FRMD4A: variants seen among roughly 807,000 people sequenced by gnomAD.
The protein encoded by FRMD4A is FERM domain containing 4A.
Under a neutral mutation model 129.1 loss-of-function variants are expected in FRMD4A, and 29 were observed. The ratio of observed to expected loss-of-function variants is 0.22; its 90% CI spans 0.17 to 0.31. FRMD4A has a LOEUF of 0.31. FRMD4A is among the 10% of genes least tolerant of loss of function. The pLI, the probability that FRMD4A is intolerant of heterozygous loss-of-function variation, is 1.00. For missense variants in FRMD4A, 1,272 were observed against 1,375.8 expected (o/e 0.92, Z 1.19); for synonymous variants, 634 against 571.6 (o/e 1.11, Z -1.56).
intron 2 of FRMD4A, among the ~76,000 whole-genome samples, chr10:14,251,076 G>A (rs1281054646): frequency 6.6e-6 from 1 of 151,506 alleles, no homozygotes; most frequent in African/African-American, 2.4e-5. Flanking sequence ...CCTAAACTGT[G>A]TAGTAGGCAG....
intron 23 of FRMD4A, 118 bp downstream of exon 23, chr10:13,654,298 C>A (rs1317150734): frequency 7.9e-6 from 6 of 757,794 alleles, no homozygotes; most frequent in Admixed American, 7.6e-5. Flanking sequence ...AAGGAAGACA[C>A]CTCCCAGTGA....
intron 2 of FRMD4A, among the ~76,000 whole-genome samples, chr10:14,242,982 A>G (rs1049536163): frequency 1.3e-5 from 2 of 152,224 alleles, no homozygotes; most frequent in Non-Finnish European, 2.9e-5. Flanking sequence ...AGGTGGAAGT[A>G]AACTTTGTAC....
At chr10:13,765,101 A>ATTTTTTTTTTT (rs10708906) in intron 6 of FRMD4A, among the ~76,000 whole-genome samples, 1 of 125,276 alleles carries the variant, frequency 8.0e-6, no homozygotes. Flanking sequence ...TCAAGGATTG[A>ATTTTTTTTTTT]TTTTTTTTTT....
chr10:13,699,785 G>A (rs945851437), intron 14 of FRMD4A, among the ~76,000 whole-genome samples: 1 of 152,112 alleles, frequency 6.6e-6, no homozygotes, highest in Non-Finnish European at 1.5e-5. Context: ...GCAAAACCCT[G>A]ACACCCACCC....
intron 5 of FRMD4A, among the ~76,000 whole-genome samples, chr10:13,784,939 C>T (rs527722600): frequency 6.9e-6 from 1 of 144,748 alleles, no homozygotes; most frequent in East Asian, 2.0e-4. Flanking sequence ...TGCAGCGAGC[C>T]GAGATGGTGC....
At chr10:13,825,411 G>A (rs1486073139) in intron 3 of FRMD4A, among the ~76,000 whole-genome samples, 1 of 152,152 alleles carries the variant, frequency 6.6e-6, no homozygotes, top group African/African-American at 2.4e-5. Flanking sequence ...GGGCAAGCGA[G>A]CATTACCACC....
rs1588646473 is a variant in FRMD4A at position 13,772,724 on chromosome 10, T to G, written c.385-10044A>C. The stretch of plus-strand genomic sequence containing the variant: ...GGCACAGAAAGACAAAGTTCATATT[T>G]TCTCACTTATTTGTGGGAGCTAAAA... On this transcript the variant is annotated intron_variant, in intron 6 of 24. Transcript: ENST00000357447. 2.0e-5 allele frequency among the ~76,000 whole-genome samples: 3 copies of G among 152,294 alleles called. No homozygotes were observed. The East Asian group carries it at 5.8e-4, about 29-fold the overall frequency.
In FRMD4A at chr10:14,010,664, C is replaced by CTTTTTTTTTTTTT. The variant is rs779471389; in HGVS notation, c.46-151765_46-151753dup. ...TCAAAATTAATTGTCGAGTTTAGGT[C>CTTTTTTTTTTTTT]TTTTTTTTTTTTTTTTTTTTTTTTA... On this transcript the variant is annotated intron_variant, in intron 2 of 24. Coordinates refer to ENST00000357447, the MANE Select transcript of FRMD4A (RefSeq NM_018027.5). Among the ~76,000 whole-genome samples, 103 of 76,426 alleles carry CTTTTTTTTTTTTT rather than the reference C, an allele frequency of 1.3e-3. 10 individuals are homozygous for CTTTTTTTTTTTTT. The highest frequency in any genetic ancestry group is 7.7e-3 in the East Asian group (12 of 1,566). The allele number at this position is 76,426 out of a possible 152,430, so 50.1% of individuals were successfully genotyped here. A position where few individuals can be genotyped will look rare whatever the true frequency, so the allele number is the denominator to read the frequency against.
intron 12 of FRMD4A, among the ~76,000 whole-genome samples, chr10:13,713,946 A>AATATATAT (rs1218204241): frequency 8.0e-6 from 1 of 124,688 alleles, no homozygotes. Context: ...ACATATATGT[A>AATATATAT]ATACACACAC....
chr10:13,995,557 C>G (rs529429271), intron 2 of FRMD4A, among the ~76,000 whole-genome samples: 2 of 152,186 alleles, frequency 1.3e-5, no homozygotes, highest in African/African-American at 4.8e-5. Flanking sequence ...TGCACTCCAG[C>G]CTGGGCAACA....
At chr10:13,798,970 G>A (rs527980651) in intron 4 of FRMD4A, among the ~76,000 whole-genome samples, 6 of 152,136 alleles carry the variant, frequency 3.9e-5, no homozygotes, top group Middle Eastern at 6.8e-3. Flanking sequence ...AGTGAGGTCC[G>A]GCCCATCCCG....
Position 13,644,025 on chromosome 10 carries a change from C to CTTAGT in FRMD4A, c.*3012_*3013insACTAA, listed in dbSNP as rs2080968375. ...TATGTAAAACTTTACACCTAGTTAA[C>CTTAGT]TAAGCAGTAACTGGTCATCTGATAG... On this transcript the variant is annotated 3_prime_UTR_variant, in exon 25 of 25. Transcript: ENST00000357447. 6.6e-6 allele frequency: 1 copy of CTTAGT among 152,642 alleles called. No individual in the cohort carries two copies. Among genetic ancestry groups the CTTAGT allele is most frequent in the East Asian group, 1.9e-4 (1 of 5,200 alleles). The allele number at this position is 152,642 out of a possible 1,614,324, so 9.5% of individuals were successfully genotyped here. A position where few individuals can be genotyped will look rare whatever the true frequency, so the allele number is the denominator to read the frequency against.
chr10:14,273,307 G>A (rs1028128506), intron 2 of FRMD4A, among the ~76,000 whole-genome samples: 3 of 152,022 alleles, frequency 2.0e-5, no homozygotes, highest in African/African-American at 7.2e-5. Flanking sequence ...AACCAATTCT[G>A]CCATCTTAGA....
intron 2 of FRMD4A, among the ~76,000 whole-genome samples, chr10:13,942,014 C>T (rs563475886): frequency 5.3e-5 from 8 of 152,242 alleles, no homozygotes; most frequent in South Asian, 2.1e-4. Context: ...TCTTCCAGAG[C>T]GGTCACTCCA....
chr10:14,244,352 G>A (rs74791952), intron 2 of FRMD4A, among the ~76,000 whole-genome samples: 11 of 152,250 alleles, frequency 7.2e-5, no homozygotes, highest in African/African-American at 1.9e-4. Flanking sequence ...AGTGACTAGC[G>A]TCTAACTAAT....
Position 14,308,616 on chromosome 10 carries a change from G to T in FRMD4A, c.45+21442C>A, listed in dbSNP as rs545348559. Among the ~76,000 whole-genome samples the T allele has an allele frequency of 3.9e-5, 6 of 152,246 alleles. No homozygotes were observed. In the South Asian group the frequency reaches 1.2e-3, roughly 32 times the overall value. On this transcript the variant is annotated intron_variant, in intron 2 of 24. Coordinates refer to ENST00000357447, the MANE Select transcript of FRMD4A (RefSeq NM_018027.5). Reference sequence around the variant, plus strand: ...ATACATGTCTTTTTATCTCTGAGTAGTTACTGTACCTCTTTTAAGTTTATT... The same window carrying T: ...ATACATGTCTTTTTATCTCTGAGTATTTACTGTACCTCTTTTAAGTTTATT...
At chr10:13,872,647 G>C (rs886814294) in intron 2 of FRMD4A, among the ~76,000 whole-genome samples, 4 of 152,250 alleles carry the variant, frequency 2.6e-5, no homozygotes, top group African/African-American at 9.6e-5. Flanking sequence ...GAAGTGGCCA[G>C]AAAGTACACA....
At chr10:13,698,275 G>C (rs993056479) in intron 14 of FRMD4A, among the ~76,000 whole-genome samples, 9 of 152,254 alleles carry the variant, frequency 5.9e-5, no homozygotes, top group Non-Finnish European at 1.3e-4. Context: ...ACATCATTTG[G>C]GAGGCCTGGG....
intron 2 of FRMD4A, among the ~76,000 whole-genome samples, chr10:13,913,410 C>G (rs1426194718): frequency 6.6e-6 from 1 of 152,138 alleles, no homozygotes; most frequent in Non-Finnish European, 1.5e-5. Flanking sequence ...GAATTGCGTA[C>G]TTTAATAGAT....
Sources: allele counts gnomAD v4.1 joint callset (sites outside exome capture counted in the v4.1 genomes callset), GRCh38; gene constraint gnomAD v4.1.1; transcripts MANE v1.5; gene names NCBI Gene and HGNC (gene_info 2026-07-23, HGNC 2026-07-21).